CPED1: variants seen among roughly 807,000 people sequenced by gnomAD.
CPED1 encodes cadherin-like and PC-esterase domain-containing protein 1.
A neutral mutation model predicts 128.2 loss-of-function variants in CPED1; 114 were observed. The ratio of observed to expected loss-of-function variants is 0.89; its 90% CI spans 0.76 to 1.04. CPED1 has a LOEUF of 1.04. Ranked by LOEUF, CPED1 falls within the 50% of genes least tolerant of loss-of-function variation. The pLI is 0.00. For synonymous variants in CPED1, 462 were observed against 426.7 expected, an observed-to-expected ratio of 1.08 and a Z score of -1.02; for missense variants, 1,211 against 1,207.1, an observed-to-expected ratio of 1.00 and a Z score of -0.05.
rs1283092333 is a variant in CPED1 at position 121,142,117 on chromosome 7, C to T, written c.2031C>T (p.Ala677=). ...GCCCAAGTCTGCCCTTGTTTGAGGCCTTCACAGCATGTGGTTTTGTGCAGG... is the reference window on the plus strand; with the variant it reads ...GCCCAAGTCTGCCCTTGTTTGAGGCTTTCACAGCATGTGGTTTTGTGCAGG... The part of the protein sequence containing the change: ...EDRPSLPLFE[A]FTACGFVQDC... Residue 677 remains alanine, a synonymous_variant, in exon 16 of 23, where the codon GCC becomes GCT. Coordinates refer to ENST00000310396, the MANE Select transcript of CPED1 (RefSeq NM_024913.5). 4.3e-6 allele frequency: 7 copies of T among 1,611,388 alleles called. No individual in the cohort carries two copies. Among genetic ancestry groups the T allele is most frequent in the Non-Finnish European group, 5.9e-6 (7 of 1,178,250 alleles).
At chr7:121,242,861 A>G (rs3942607) in intron 17 of CPED1, among the ~76,000 whole-genome samples, 72,789 of 151,602 alleles carry the variant, frequency 0.48, 20,339 homozygotes, top group East Asian at 0.88. Context: ...ATATACCTAC[A>G]TTTCTTTCTC....
At position 121,257,016 on chromosome 7, in the gene CPED1, C is replaced by T. The variant is rs78630059; in HGVS notation, c.2311-9211C>T. Reference sequence around the variant, plus strand: ...TTCTCACTTGTAAGTGAGAGCTAAACATTAAGCAGACATGGACATAAACAT... The same window carrying T: ...TTCTCACTTGTAAGTGAGAGCTAAATATTAAGCAGACATGGACATAAACAT... On this transcript the variant is annotated intron_variant, in intron 18 of 22. Coordinates refer to ENST00000310396, the MANE Select transcript of CPED1 (RefSeq NM_024913.5). Among the ~76,000 whole-genome samples, 1,040 of 152,082 alleles carry T rather than the reference C, an allele frequency of 6.8e-3. 8 individuals carry two copies. Among genetic ancestry groups the T allele is most frequent in the Non-Finnish European group, 0.011 (772 of 67,962 alleles).
chr7:121,201,306 C>G (rs1330539098), intron 16 of CPED1, among the ~76,000 whole-genome samples: 1 of 152,082 alleles, frequency 6.6e-6, no homozygotes, highest in African/African-American at 2.4e-5. Context: ...GTGGCACACA[C>G]CTATAATTGC....
At chr7:121,255,543 TA>T (rs1562852479) in intron 18 of CPED1, among the ~76,000 whole-genome samples, 1 of 151,924 alleles carries the variant, frequency 6.6e-6, no homozygotes. Flanking sequence ...CTATTCAACA[TA>T]GTACTGGAAG....
At chr7:121,117,289 C>T (rs1391025711) in intron 7 of CPED1, among the ~76,000 whole-genome samples, 1 of 151,364 alleles carries the variant, frequency 6.6e-6, no homozygotes, top group East Asian at 1.9e-4. Flanking sequence ...TTAGTTGAGA[C>T]GGGGTTTTGC....
intron 18 of CPED1, among the ~76,000 whole-genome samples, chr7:121,252,759 G>T (rs1798709337): frequency 6.6e-6 from 1 of 152,024 alleles, no homozygotes; most frequent in East Asian, 1.9e-4. Flanking sequence ...CAAAACCACA[G>T]TGAGATAGCA....
intron 2 of CPED1, among the ~76,000 whole-genome samples, chr7:121,004,325 CA>C (rs1791948884): frequency 6.6e-6 from 1 of 152,148 alleles, no homozygotes. Flanking sequence ...CCTCCTCCTC[CA>C]GGGGGTATAA....
chr7:121,007,043 A>G (rs1461688161), intron 2 of CPED1, among the ~76,000 whole-genome samples: 1 of 152,064 alleles, frequency 6.6e-6, no homozygotes, highest in African/African-American at 2.4e-5. Context: ...GATCCTAGAT[A>G]TGCACTTTAG....
intron 18 of CPED1, among the ~76,000 whole-genome samples, chr7:121,263,952 C>A (rs1792071425): frequency 6.6e-6 from 1 of 152,022 alleles, no homozygotes; most frequent in African/African-American, 2.4e-5. Flanking sequence ...ACATTCTAAC[C>A]CCCAGTACCT....
intron 16 of CPED1, among the ~76,000 whole-genome samples, chr7:121,208,677 T>G (rs1584598432): frequency 6.6e-6 from 1 of 152,152 alleles, no homozygotes; most frequent in Non-Finnish European, 1.5e-5. Flanking sequence ...TCTGAATCCT[T>G]CTATTCTCTT....
At chr7:121,250,402 A>G (rs1048099402) in intron 18 of CPED1, among the ~76,000 whole-genome samples, 6 of 151,972 alleles carry the variant, frequency 3.9e-5, no homozygotes, top group African/African-American at 1.2e-4. Context: ...TAACATCACA[A>G]TTAAAAGAAC....
chr7:121,284,314 C>T (rs1459486307), intron 22 of CPED1, among the ~76,000 whole-genome samples: 3 of 152,106 alleles, frequency 2.0e-5, no homozygotes, highest in Non-Finnish European at 4.4e-5. Flanking sequence ...GGAACTAAAA[C>T]TCAAGATGAG....
chr7:121,252,661 A>G (rs1025949119), intron 18 of CPED1, among the ~76,000 whole-genome samples: 4 of 152,240 alleles, frequency 2.6e-5, no homozygotes, highest in African/African-American at 9.7e-5. Context: ...AAGGATATGA[A>G]CAGACACTTC....
rs138794970 is a variant in CPED1 at position 121,128,468 on chromosome 7, T to C, written c.1389T>C (p.Ser463=). ...SIMTFIKELG[S]LGQFQLLFPS... ...TGACTTTCATAAAGGAACTTGGAAG[T>C]CTGGGACAATTCCAACTGGTAAAGC... The change falls in exon 11 of 23, where the codon AGT becomes AGC. Residue 463 remains serine, a synonymous_variant. Coordinates refer to ENST00000310396, the MANE Select transcript of CPED1 (RefSeq NM_024913.5). The C allele has an allele frequency of 6.3e-7, 1 of 1,579,442 alleles. No individual in the cohort carries two copies. The highest frequency in any genetic ancestry group is 8.7e-7 in the Non-Finnish European group (1 of 1,148,594).
At chr7:121,116,843 A>G (rs973953374) in intron 7 of CPED1, among the ~76,000 whole-genome samples, 6 of 151,604 alleles carry the variant, frequency 4.0e-5, no homozygotes, top group African/African-American at 1.5e-4. Context: ...TAGCATTGCT[A>G]TGAATACAAA....
intron 7 of CPED1, among the ~76,000 whole-genome samples, chr7:121,101,650 G>A (rs1225277804): frequency 6.6e-6 from 1 of 152,054 alleles, no homozygotes; most frequent in Non-Finnish European, 1.5e-5. Context: ...TTTAGTTCAT[G>A]GTTCTGCAGG....
At chr7:121,030,835 C>T (rs930866874) in intron 3 of CPED1, among the ~76,000 whole-genome samples, 1 of 152,160 alleles carries the variant, frequency 6.6e-6, no homozygotes, top group African/African-American at 2.4e-5. Context: ...AACATATCTC[C>T]TGCAGATAAG....
intron 22 of CPED1, among the ~76,000 whole-genome samples, chr7:121,283,775 A>C (rs1326006133): frequency 6.6e-6 from 1 of 152,200 alleles, no homozygotes. Context: ...GGCACTAATC[A>C]TGGTGACTGT....
intron 5 of CPED1, among the ~76,000 whole-genome samples, chr7:121,074,507 G>GTGTTTTTTT (rs1794072579): frequency 5.5e-5 from 1 of 18,096 alleles, no homozygotes; most frequent in Admixed American, 7.0e-4. Flanking sequence ...AATTTCCTTT[G>GTGTTTTTTT]TGTTTTTTTT....
Sources: allele counts gnomAD v4.1 joint callset (sites outside exome capture counted in the v4.1 genomes callset), GRCh38; gene constraint gnomAD v4.1.1; transcripts MANE v1.5; gene names NCBI Gene and HGNC (gene_info 2026-07-23, HGNC 2026-07-21).